STX10: variants seen among roughly 807,000 people sequenced by gnomAD.
The protein encoded by STX10 is syntaxin-10.
A neutral mutation model predicts 34.1 loss-of-function variants in STX10; 35 were observed. The observed-to-expected ratio is 1.03, with a 90% CI of 0.78 to 1.36. The LOEUF (loss-of-function observed/expected upper bound fraction) is 1.36, where lower values mean the gene tolerates loss of function less well. STX10 is among the 40% of genes most tolerant of loss of function. The probability of loss-of-function intolerance (pLI) is 0.00; values close to 1 mark genes in which losing one functional copy is unlikely to be tolerated. For missense variants in STX10, 361 were observed against 335.5 expected, an observed-to-expected ratio of 1.08 and a Z score of -0.59; for synonymous variants, 155 against 132.9, an observed-to-expected ratio of 1.17 and a Z score of -1.15.
chr19:13,145,097 G>A (rs1480559349), intron 5 of STX10, among the ~76,000 whole-genome samples, 191 bp downstream of exon 5: 1 of 152,176 alleles, frequency 6.6e-6, no homozygotes, highest in Non-Finnish European at 1.5e-5. Context: ...TACTAGGGAG[G>A]CTGAGGCAGG....
chr19:13,144,471 C>T lies in STX10; in HGVS notation c.689G>A (p.Cys230Tyr). The change falls in exon 8 of 8, where the codon TGT becomes TAT. Residue 230 changes from cysteine (C) to tyrosine (Y), a missense_variant. Coordinates refer to ENST00000587230, the MANE Select transcript of STX10 (RefSeq NM_003765.3). ...CACCCCCACTAGCACGGCGATGGCA[C>T]ACCACTGTCGGCGGTCTGGGAACGA... ...SHMTSDRRQW[C>Y]AIAVLVGVLL... is the part of the protein sequence containing the mutation. 1 of 1,613,496 alleles carries T rather than the reference C, an allele frequency of 6.2e-7. No individual in the cohort carries two copies. Among genetic ancestry groups the T allele is most frequent in the South Asian group, 1.1e-5 (1 of 90,914 alleles).
chr19:13,146,824 A>C (rs2019910512), intron 4 of STX10, among the ~76,000 whole-genome samples: 1 of 152,058 alleles, frequency 6.6e-6, no homozygotes, highest in African/African-American at 2.4e-5. Flanking sequence ...TTTAGGTGTG[A>C]GCCACCGTGC....
chr19:13,144,304 T>A lies in STX10; in HGVS notation c.*106A>T, dbSNP rs2019843603. 6.8e-7 allele frequency: 1 copy of A among 1,474,312 alleles called. No homozygotes were observed. The highest frequency in any genetic ancestry group is 2.1e-5 in the Admixed American group (1 of 47,416). The allele number at this position is 1,474,312 out of a possible 1,614,324, so 91.3% of individuals were successfully genotyped here. A position where few individuals can be genotyped will look rare whatever the true frequency, so the allele number is the denominator to read the frequency against. ...GCTCCCCAGGCGGGACCCTCTACTC[T>A]CCAGCTACCCAGGAGGGACCCTCTC... On this transcript the variant is annotated 3_prime_UTR_variant, in exon 8 of 8. Coordinates refer to ENST00000587230, the MANE Select transcript of STX10 (RefSeq NM_003765.3).
At position 13,149,519 on chromosome 19, in the gene STX10, G is replaced by T. The variant is rs768744898; in HGVS notation, c.280C>A (p.Arg94=). 1.9e-6 allele frequency: 3 copies of T among 1,613,028 alleles called. No individual in the cohort carries two copies. The highest frequency in any genetic ancestry group is 2.5e-6 in the Non-Finnish European group (3 of 1,179,796). ...DLQERKVFVE[R]MREAVQEMKD... ...CTGACCTGGACTGCCTCTCGCATCC[G>T]CTCCACGAACACCTTTCTCTCCTGC... The change falls in exon 3 of 8, where the codon CGG becomes AGG. Residue 94 remains arginine, a synonymous_variant. Transcript: ENST00000587230.
chr19:13,145,026 C>A (rs1304879778), intron 5 of STX10, among the ~76,000 whole-genome samples, 156 bp from the exon 6 acceptor site: 1 of 152,062 alleles, frequency 6.6e-6, no homozygotes, highest in Admixed American at 6.6e-5. Context: ...TGGTGAAACC[C>A]CATCTCTACT....
intron 4 of STX10, among the ~76,000 whole-genome samples, chr19:13,148,718 G>A (rs2019968943): frequency 6.6e-6 from 1 of 151,872 alleles, no homozygotes; most frequent in Non-Finnish European, 1.5e-5. Flanking sequence ...CATGCGTCCT[G>A]GAAACAGGTG....
chr19:13,144,101 G>A lies in STX10; in HGVS notation c.*309C>T. 2.3e-6 allele frequency: 1 copy of A among 443,558 alleles called. No individual in the cohort carries two copies. Among genetic ancestry groups the A allele is most frequent in the East Asian group, 3.6e-5 (1 of 27,978 alleles). The allele number at this position is 443,558 out of a possible 1,614,324, so 27.5% of individuals were successfully genotyped here. Reference sequence around the variant, plus strand: ...ACATTTTATTTCCAGGTTGGCACGTGTATAAGGCACAGGGGCAAATGGCTT... The same window carrying A: ...ACATTTTATTTCCAGGTTGGCACGTATATAAGGCACAGGGGCAAATGGCTT... On this transcript the variant is annotated 3_prime_UTR_variant, in exon 8 of 8. Transcript: ENST00000587230.
At chr19:13,144,936 T>C (rs1600013834) in intron 5 of STX10, 66 bp from the exon 6 acceptor site, 1 of 1,441,280 alleles carries the variant, frequency 6.9e-7, no homozygotes, top group Non-Finnish European at 9.5e-7. Context: ...CTATGGCTTA[T>C]GACTGTAATC....
rs2019849579 is a variant in STX10 at position 13,144,503 on chromosome 19, CA to C, written c.674-18del. On this transcript the variant is annotated intron_variant, in intron 7 of 7. Transcript: ENST00000587230. ...GTCGGCGGTCTGGGAACGAGAAGGT[CA>C]GGGGTCACGGGGAGAGGGTACCACC... 3 of 1,613,792 alleles carry C rather than the reference CA, an allele frequency of 1.9e-6. No individual in the cohort carries two copies. Among genetic ancestry groups the C allele is most frequent in the East Asian group, 2.2e-5 (1 of 44,878 alleles).
At chr19:13,146,751 G>A (rs1303422440) in intron 4 of STX10, among the ~76,000 whole-genome samples, 2 of 152,072 alleles carry the variant, frequency 1.3e-5, no homozygotes, top group African/African-American at 4.8e-5. Flanking sequence ...ATGTTGGCCA[G>A]GCTGGTCTCG....
chr19:13,150,203 C>A lies in STX10; in HGVS notation c.-30G>T. 1 of 892,034 alleles carries A rather than the reference C, an allele frequency of 1.1e-6. No homozygotes were observed. Among genetic ancestry groups the A allele is most frequent in the Non-Finnish European group, 1.8e-6 (1 of 545,396 alleles). 55.3% of individuals were successfully genotyped at this position (892,034 alleles called of 1,614,324 possible). On this transcript the variant is annotated 5_prime_UTR_variant, in exon 1 of 8. Coordinates refer to ENST00000587230, the MANE Select transcript of STX10 (RefSeq NM_003765.3). The surrounding 1 kb of genome is among the most constrained non-coding windows in gnomAD (Gnocchi z 4.0). ...GTCCCTTCCCCCCCAGGCCGAACCC[C>A]CCTCCCGGCCTGGGTTCGCGGGCTG...
intron 4 of STX10, among the ~76,000 whole-genome samples, chr19:13,148,616 G>A (rs1312464635): frequency 1.1e-4 from 16 of 151,704 alleles, no homozygotes; most frequent in African/African-American, 2.9e-4. Flanking sequence ...GGAGGCAGAG[G>A]TTGCAGTGAG....
intron 4 of STX10, 66 bp downstream of exon 4, chr19:13,148,963 C>T: frequency 2.2e-6 from 3 of 1,376,616 alleles, no homozygotes; most frequent in Non-Finnish European, 3.0e-6. Context: ...GGTGAACACG[C>T]ACAGAGGGAT....
At chr19:13,146,129 G>T (rs1006001240) in intron 4 of STX10, among the ~76,000 whole-genome samples, 1 of 151,620 alleles carries the variant, frequency 6.6e-6, no homozygotes, top group Non-Finnish European at 1.5e-5. Flanking sequence ...CCTGGGGGGC[G>T]GTGGTTGCAG....
intron 4 of STX10, among the ~76,000 whole-genome samples, chr19:13,146,532 G>A (rs1568391483): frequency 6.6e-6 from 1 of 151,246 alleles, no homozygotes; most frequent in Admixed American, 6.6e-5. Context: ...ACCATGCCTG[G>A]CCCAACAGAT....
chr19:13,144,676 C>T lies in STX10; in HGVS notation c.579-5G>A. 6.2e-7 allele frequency: 1 copy of T among 1,613,992 alleles called. No individual in the cohort carries two copies. Among genetic ancestry groups the T allele is most frequent in the Non-Finnish European group, 8.5e-7 (1 of 1,179,968 alleles). ...TGGGCGAAGGCATCCAGCATGCTGC[C>T]AAGAACAGGATGGCATCAGCCCCAG... is the stretch of plus-strand genomic sequence containing the variant. On this transcript the variant is annotated splice_polypyrimidine_tract_variant and splice_region_variant and intron_variant, in intron 6 of 7. Transcript: ENST00000587230.
chr19:13,144,464 G>A lies in STX10; in HGVS notation c.696C>T (p.Ile232=), dbSNP rs201878838. 36 of 1,613,274 alleles carry A rather than the reference G, an allele frequency of 2.2e-5. No homozygotes were observed. Among genetic ancestry groups the A allele is most frequent in the Non-Finnish European group, 2.9e-5 (34 of 1,179,844 alleles). ...MTSDRRQWCA[I]AVLVGVLLLV... Reference sequence around the variant, plus strand: ...GGAGAAGCACCCCCACTAGCACGGCGATGGCACACCACTGTCGGCGGTCTG... The same window carrying A: ...GGAGAAGCACCCCCACTAGCACGGCAATGGCACACCACTGTCGGCGGTCTG... Residue 232 remains isoleucine (I), a synonymous_variant, in exon 8 of 8, where the codon ATC becomes ATT. Transcript: ENST00000587230.
intron 4 of STX10, among the ~76,000 whole-genome samples, chr19:13,148,684 A>G (rs1253460685): frequency 3.3e-5 from 5 of 149,434 alleles, no homozygotes; most frequent in African/African-American, 1.2e-4. Flanking sequence ...TGTCTCAAAG[A>G]AAAAAAAAAG....
intron 4 of STX10, among the ~76,000 whole-genome samples, chr19:13,147,364 C>G (rs889540150): frequency 6.6e-6 from 1 of 151,926 alleles, no homozygotes; most frequent in African/African-American, 2.4e-5. Context: ...ACCCAGGAGG[C>G]TGAGGCAGGA....
Sources: allele counts gnomAD v4.1 joint callset (sites outside exome capture counted in the v4.1 genomes callset), GRCh38; gene constraint gnomAD v4.1.1; non-coding constraint Gnocchi (gnomAD v3.1); transcripts MANE v1.5; gene names NCBI Gene and HGNC (gene_info 2026-07-23, HGNC 2026-07-21).